LCA5L: variants seen among roughly 807,000 people sequenced by gnomAD.
LCA5L encodes the protein lebercilin LCA5 like, also known as lebercilin-like protein.
A neutral mutation model predicts 45.4 loss-of-function variants in LCA5L; 35 were observed. The ratio of observed to expected loss-of-function variants is 0.77; its 90% CI spans 0.59 to 1.02. The LOEUF is 1.02. Ranked by LOEUF, LCA5L falls within the 50% of genes least tolerant of loss-of-function variation. The pLI is 0.00. For synonymous variants in LCA5L, 233 were observed against 264.7 expected, an observed-to-expected ratio of 0.88 and a Z score of 1.16; for missense variants, 668 against 761.6, an observed-to-expected ratio of 0.88 and a Z score of 1.45.
intron 2 of LCA5L, among the ~76,000 whole-genome samples, chr21:39,438,298 A>G (rs2076481414): frequency 6.6e-6 from 1 of 152,186 alleles, no homozygotes; most frequent in African/African-American, 2.4e-5. Context: ...GGAAATCAAA[A>G]CAAAAGCAGA....
At chr21:39,408,892 A>G (rs568576045) in intron 10 of LCA5L, among the ~76,000 whole-genome samples, 132 of 152,308 alleles carry the variant, frequency 8.7e-4, no homozygotes, top group African/African-American at 3.1e-3. Flanking sequence ...TTTATTCAAA[A>G]GTGGTAATAT....
At position 39,419,934 on chromosome 21, in the gene LCA5L, T is replaced by C. The variant is rs57883736; in HGVS notation, c.975+772A>G. On this transcript the variant is annotated intron_variant, in intron 7 of 10. Coordinates refer to ENST00000288350, the MANE Select transcript of LCA5L (RefSeq NM_152505.4). ...AGCAGTATACATATTTTTAAGACAG[T>C]TTTTCAAACACATTTTTAAGTAAAA... 2.8e-3 allele frequency among the ~76,000 whole-genome samples: 426 copies of C among 152,308 alleles called. 1 individual carries two copies. Among genetic ancestry groups the C allele is most frequent in the African/African-American group, 9.9e-3 (411 of 41,576 alleles).
chr21:39,422,842 A>G (rs567806771), intron 6 of LCA5L, 134 bp downstream of exon 6: 26 of 821,478 alleles, frequency 3.2e-5, no homozygotes, highest in Middle Eastern at 3.7e-4. Context: ...TAGACAACAT[A>G]ATTATTTAGT....
intron 7 of LCA5L, among the ~76,000 whole-genome samples, chr21:39,415,259 G>A (rs1390765269): frequency 1.3e-5 from 2 of 152,096 alleles, no homozygotes; most frequent in African/African-American, 2.4e-5. Flanking sequence ...GGGACAAAAA[G>A]CATGTGTTGA....
chr21:39,410,289 G>A lies in LCA5L; in HGVS notation c.1139C>T (p.Ser380Leu). The A allele has an allele frequency of 1.2e-6, 2 of 1,608,668 alleles. No individual in the cohort carries two copies. The highest frequency in any genetic ancestry group is 1.7e-6 in the Non-Finnish European group (2 of 1,177,420). Residue 380 changes from serine (S) to leucine (L), a missense_variant, in exon 9 of 11, where the codon TCA becomes TTA. Transcript: ENST00000288350. ...CTTAGTTGTCAAAGGTGGAACATCT[G>A]ATTTTTGGGTTCCCTGGTGTCTCAT... ...TSMRHQGTQK[S>L]DVPPLTTKGK...
At chr21:39,427,619 G>T (rs1184399780) in intron 5 of LCA5L, 1 of 148,132 alleles carries the variant, frequency 6.8e-6, no homozygotes, top group Non-Finnish European at 1.5e-5. Context: ...CCGAGATGGC[G>T]CCACTGCACT....
intron 7 of LCA5L, among the ~76,000 whole-genome samples, chr21:39,417,941 A>C (rs1031016151): frequency 1.3e-5 from 2 of 151,866 alleles, no homozygotes; most frequent in African/African-American, 4.8e-5. Flanking sequence ...AATTTTTTGT[A>C]TTTTTTAGTA....
At chr21:39,435,688 T>C (rs2076219193) in intron 2 of LCA5L, 115 bp from the exon 3 acceptor site, 1 of 152,258 alleles carries the variant, frequency 6.6e-6, no homozygotes. Context: ...CCTTGTATTA[T>C]GGATTGGTGT....
chr21:39,436,911 T>C (rs2076343986), intron 2 of LCA5L, among the ~76,000 whole-genome samples: 1 of 152,186 alleles, frequency 6.6e-6, no homozygotes, highest in African/African-American at 2.4e-5. Flanking sequence ...TTTTTCTCTT[T>C]AACACATACT....
At chr21:39,418,634 G>A (rs1051958943) in intron 7 of LCA5L, among the ~76,000 whole-genome samples, 53 of 151,974 alleles carry the variant, frequency 3.5e-4, no homozygotes, top group African/African-American at 1.2e-3. Context: ...CCAAGTAATG[G>A]GATTACAGGC....
intron 8 of LCA5L, among the ~76,000 whole-genome samples, chr21:39,411,474 C>T (rs1006743198): frequency 2.0e-5 from 3 of 152,142 alleles, no homozygotes; most frequent in African/African-American, 4.8e-5. Flanking sequence ...CTGAAGTTAT[C>T]CTTTTGCTCC....
intron 3 of LCA5L, among the ~76,000 whole-genome samples, chr21:39,432,787 T>C (rs1173159600): frequency 6.6e-6 from 1 of 152,242 alleles, no homozygotes; most frequent in East Asian, 1.9e-4. Flanking sequence ...TTTGGTTGGC[T>C]TCTTTCACTC....
intron 8 of LCA5L, chr21:39,410,863 C>A (rs888078299): frequency 2.1e-6 from 1 of 471,078 alleles, no homozygotes; most frequent in Admixed American, 2.3e-5. Context: ...CAGAAGCAAA[C>A]AAAGGCAGGC....
At chr21:39,414,740 C>CTGTG (rs796818060) in intron 7 of LCA5L, among the ~76,000 whole-genome samples, 3,858 of 103,862 alleles carry the variant, frequency 0.037, 79 homozygotes, top group Middle Eastern at 0.065. Flanking sequence ...CTCTCTCTCT[C>CTGTG]TCTGTGTGTG....
intron 3 of LCA5L, among the ~76,000 whole-genome samples, chr21:39,432,678 T>C (rs2075861052): frequency 6.6e-6 from 1 of 152,190 alleles, no homozygotes; most frequent in Non-Finnish European, 1.5e-5. Context: ...TCCCTGCGCC[T>C]CACTCCCAAC....
At chr21:39,442,900 C>G (rs924626606) in intron 2 of LCA5L, among the ~76,000 whole-genome samples, 2 of 151,978 alleles carry the variant, frequency 1.3e-5, no homozygotes, top group Admixed American at 6.6e-5. Context: ...GATGAAGGGG[C>G]GCAATGGAGA....
At chr21:39,418,063 G>A (rs548172367) in intron 7 of LCA5L, among the ~76,000 whole-genome samples, 8 of 152,342 alleles carry the variant, frequency 5.3e-5, no homozygotes, top group Non-Finnish European at 8.8e-5. Flanking sequence ...ACCGCGCCCA[G>A]CGGGGGAGTT....
intron 6 of LCA5L, among the ~76,000 whole-genome samples, chr21:39,421,400 T>C (rs1032129204): frequency 6.6e-6 from 1 of 152,186 alleles, no homozygotes; most frequent in African/African-American, 2.4e-5. Context: ...GATTTAAACA[T>C]TCTGACCAGA....
rs377378630 is a variant in LCA5L, at chr21:39,406,169, G to T, written c.1726C>A (p.Pro576Thr). ...ELEHSDSGYE[P>T]SFGKSSRIKV... ...ATTCTGGAAGACTTACCAAATGAGG[G>T]CTCATACCCACTGTCAGAATGCTCT... The change falls in exon 11 of 11, where the codon CCC (proline) becomes ACC (threonine). Residue 576 changes from proline to threonine, a missense_variant. Transcript: ENST00000288350. The T allele has an allele frequency of 1.2e-6, 2 of 1,614,190 alleles. No homozygotes were observed.
Sources: allele counts gnomAD v4.1 joint callset (sites outside exome capture counted in the v4.1 genomes callset), GRCh38; gene constraint gnomAD v4.1.1; transcripts MANE v1.5; gene names NCBI Gene and HGNC (gene_info 2026-07-23, HGNC 2026-07-21).